COL21A1: variants seen among roughly 807,000 people sequenced by gnomAD.
COL21A1 encodes collagen alpha-1(XXI) chain.
In COL21A1, 149 loss-of-function variants were observed where a neutral mutation model predicts 137.9. The observed-to-expected ratio is 1.08, with a 90% CI of 0.95 to 1.24. The LOEUF is 1.24. COL21A1 is among the 50% of genes most tolerant of loss of function. The pLI, the probability that COL21A1 is intolerant of heterozygous loss-of-function variation, is 0.00. For missense variants in COL21A1, 1,167 were observed against 1,158.4 expected (o/e 1.01, Z -0.11); for synonymous variants, 456 against 391.5 (o/e 1.16, Z -1.95).
intron 23 of COL21A1, 68 bp downstream of exon 23, chr6:56,067,227 T>G: frequency 7.8e-7 from 1 of 1,285,402 alleles, no homozygotes; most frequent in East Asian, 2.4e-5. Flanking sequence ...AATTTAAAAG[T>G]AAAATAAGAA....
chr6:56,248,113 C>T (rs1419277275), upstream of COL21A1, among the ~76,000 whole-genome samples: 1 of 152,210 alleles, frequency 6.6e-6, no homozygotes, highest in African/African-American at 2.4e-5. Context: ...AAGGTGACAG[C>T]CTTATGACAA....
intron 1 of COL21A1, among the ~76,000 whole-genome samples, chr6:56,351,504 T>C (rs919732170): frequency 3.9e-5 from 6 of 152,082 alleles, no homozygotes; most frequent in Non-Finnish European, 8.8e-5. Flanking sequence ...AGCTAGAGAC[T>C]ATTGCTGAAA....
chr6:56,092,810 G>C (rs748953055), intron 17 of COL21A1, among the ~76,000 whole-genome samples: 1 of 152,110 alleles, frequency 6.6e-6, no homozygotes, highest in Non-Finnish European at 1.5e-5. Context: ...CCACAAACTT[G>C]GTTTACACAA....
At chr6:56,270,922 T>C (rs1346044351) in intron 1 of COL21A1, among the ~76,000 whole-genome samples, 2 of 152,190 alleles carry the variant, frequency 1.3e-5, no homozygotes, top group African/African-American at 2.4e-5. Context: ...ACCTCTTTTG[T>C]TTACAAATTA....
intron 23 of COL21A1, among the ~76,000 whole-genome samples, chr6:56,065,469 C>T (rs902790784): frequency 1.3e-5 from 2 of 151,960 alleles, no homozygotes; most frequent in African/African-American, 4.8e-5. Context: ...GCAATTAAAT[C>T]TAGAATGATG....
chr6:56,271,212 C>A (rs1316166682), intron 1 of COL21A1, among the ~76,000 whole-genome samples: 1 of 152,180 alleles, frequency 6.6e-6, no homozygotes, highest in Non-Finnish European at 1.5e-5. Context: ...AGATGAGGAA[C>A]TTACTGGAAC....
chr6:56,302,380 T>C (rs976566586), intron 1 of COL21A1, among the ~76,000 whole-genome samples: 5 of 152,082 alleles, frequency 3.3e-5, no homozygotes, highest in African/African-American at 1.2e-4. Context: ...CCACATCCTC[T>C]CCAGCACCTG....
rs1252293921 is a variant in COL21A1 at position 56,191,607 on chromosome 6, A to AAAG, written c.-38-8952_-38-8951insCTT. Among the ~76,000 whole-genome samples, 594 of 150,960 alleles carry AAAG rather than the reference A, an allele frequency of 3.9e-3. 6 individuals are homozygous for AAAG. The highest frequency in any genetic ancestry group is 0.03 in the South Asian group (143 of 4,746). On this transcript the variant is annotated intron_variant, in intron 1 of 29. Coordinates refer to ENST00000244728, the MANE Select transcript of COL21A1 (RefSeq NM_030820.4). ...ACTCTATCTCAAAAAAAAAAAAAAA[A>AAAG]ATCCAGAGAGCCAAATCATGAGTGA... is the stretch of plus-strand genomic sequence containing the variant.
chr6:56,212,955 T>C (rs2152307318), intron 1 of COL21A1, among the ~76,000 whole-genome samples: 1 of 152,198 alleles, frequency 6.6e-6, no homozygotes, highest in Admixed American at 6.6e-5. Context: ...AGACTGGATG[T>C]TGGAAGACTG....
chr6:56,334,337 A>G (rs1765293702), intron 1 of COL21A1, among the ~76,000 whole-genome samples: 1 of 152,098 alleles, frequency 6.6e-6, no homozygotes, highest in African/African-American at 2.4e-5. Context: ...CATTAGTACA[A>G]TAATGATACT....
At chr6:56,316,453 A>T (rs1764736965) in intron 1 of COL21A1, among the ~76,000 whole-genome samples, 1 of 132,620 alleles carries the variant, frequency 7.5e-6, no homozygotes. Flanking sequence ...AATTAAAAGC[A>T]CACCTTTTAA....
intron 12 of COL21A1, among the ~76,000 whole-genome samples, chr6:56,135,748 C>T (rs1368486347): frequency 1.3e-5 from 2 of 152,068 alleles, no homozygotes; most frequent in Non-Finnish European, 2.9e-5. Flanking sequence ...AAAAACAGTC[C>T]CTACATCGTA....
chr6:56,274,801 C>A (rs1763604646), intron 1 of COL21A1, among the ~76,000 whole-genome samples: 1 of 151,920 alleles, frequency 6.6e-6, no homozygotes, highest in Non-Finnish European at 1.5e-5. Context: ...CTGTCCAAAG[C>A]AAATCATAAA....
At chr6:56,180,969 C>T (rs575209360) in intron 2 of COL21A1, among the ~76,000 whole-genome samples, 1 of 152,316 alleles carries the variant, frequency 6.6e-6, no homozygotes, top group South Asian at 2.1e-4. Flanking sequence ...AGAATGTCTT[C>T]CTCTTCACCT....
intron 1 of COL21A1, among the ~76,000 whole-genome samples, chr6:56,210,949 A>C (rs1192983299): frequency 6.6e-6 from 1 of 151,982 alleles, no homozygotes; most frequent in Non-Finnish European, 1.5e-5. Context: ...CAATCAGAGA[A>C]AACTGAACAT....
intron 1 of COL21A1, among the ~76,000 whole-genome samples, chr6:56,305,196 G>A (rs1764411974): frequency 1.3e-5 from 2 of 152,112 alleles, no homozygotes; most frequent in South Asian, 4.1e-4. Flanking sequence ...GTGCTGAGAA[G>A]AATGTATATT....
intron 16 of COL21A1, among the ~76,000 whole-genome samples, chr6:56,120,945 A>G (rs1464244507): frequency 6.6e-6 from 1 of 152,222 alleles, no homozygotes; most frequent in Non-Finnish European, 1.5e-5. Context: ...ACAATGGCTA[A>G]GATTTGGAAG....
rs143409802 is a variant in COL21A1 at position 56,112,513 on chromosome 6, C to T, written c.1759-10988G>A. On this transcript the variant is annotated intron_variant, in intron 16 of 29. Coordinates refer to ENST00000244728, the MANE Select transcript of COL21A1 (RefSeq NM_030820.4). ...TGAATTACCGATGCCACCCCTCCCC[C>T]TTCCCCAGCAGAGGCAGCATGGAGT... Among the ~76,000 whole-genome samples, 105 of 152,118 alleles carry T rather than the reference C, an allele frequency of 6.9e-4. 3 individuals are homozygous for T. In the East Asian group the frequency reaches 0.019, roughly 27 times the overall value.
intron 1 of COL21A1, among the ~76,000 whole-genome samples, chr6:56,271,520 C>T (rs1012419687): frequency 5.9e-5 from 9 of 152,036 alleles, no homozygotes; most frequent in South Asian, 2.1e-4. Flanking sequence ...ATTTGCAGCC[C>T]GACTATGTGG....
Sources: gnomAD v4.1 joint callset for allele counts (sites outside exome capture counted in the v4.1 genomes callset) on GRCh38, gnomAD v4.1.1 for gene constraint, MANE v1.5 for transcripts, NCBI Gene and HGNC (gene_info 2026-07-23, HGNC 2026-07-21) for gene names.